The following MYO1E variants were observed in gnomAD, a reference collection of about 807,000 sequenced individuals.
The protein encoded by MYO1E is myosin IE, also known as unconventional myosin-Ie.
A neutral mutation model predicts 151.1 loss-of-function variants in MYO1E; 68 were observed. The ratio of observed to expected loss-of-function variants is 0.45; its 90% confidence interval spans 0.37 to 0.55. The LOEUF is 0.55. Among genes scored for constraint, MYO1E ranks in the 20% least tolerant of loss-of-function variants. The pLI, the probability that MYO1E is intolerant of heterozygous loss-of-function variation, is 0.00. For missense variants in MYO1E, 1,363 were observed against 1,389.3 expected, an observed-to-expected ratio of 0.98 and a Z score of 0.30; for synonymous variants, 601 against 501.7, an observed-to-expected ratio of 1.20 and a Z score of -2.64.
intron 1 of MYO1E, among the ~76,000 whole-genome samples, chr15:59,310,103 C>T (rs1158076413): frequency 1.3e-5 from 2 of 152,192 alleles, no homozygotes; most frequent in Non-Finnish European, 2.9e-5. Context: ...GTCCTGTGCA[C>T]CTTCCCTTCA....
chr15:59,267,159 G>A (rs184572128), intron 2 of MYO1E, among the ~76,000 whole-genome samples: 66 of 151,282 alleles, frequency 4.4e-4, no homozygotes, highest in Non-Finnish European at 7.4e-4. Flanking sequence ...CCGAGTAGCC[G>A]GGACTACAGG....
Position 59,339,453 on chromosome 15 carries a change from T to C in MYO1E, c.3+33045A>G, listed in dbSNP as rs900257607. On this transcript the variant is annotated intron_variant, in intron 1 of 27. Transcript: ENST00000288235. The stretch of plus-strand genomic sequence containing the variant: ...AACTGACTCCATACTGTAGAATTGG[T>C]ATTTCTCAACTTCACTACCCCGATA... 3.5e-4 allele frequency among the ~76,000 whole-genome samples: 54 copies of C among 152,200 alleles called. 3 individuals carry two copies. The highest frequency in any genetic ancestry group is 1.9e-4 in the Non-Finnish European group (13 of 68,040).
intron 1 of MYO1E, among the ~76,000 whole-genome samples, chr15:59,349,875 G>T (rs754815418): frequency 6.6e-6 from 1 of 152,306 alleles, no homozygotes; most frequent in South Asian, 2.1e-4. Context: ...GGAGAGAAAT[G>T]ATATCATTTC....
intron 1 of MYO1E, among the ~76,000 whole-genome samples, chr15:59,341,103 T>C (rs190360887): frequency 7.9e-4 from 120 of 152,024 alleles, no homozygotes; most frequent in African/African-American, 2.8e-3. Context: ...TTTTTGGGCA[T>C]ATATAAGTAG....
intron 14 of MYO1E, chr15:59,207,458 T>C (rs201738229): frequency 6.8e-6 from 11 of 1,614,040 alleles, no homozygotes; most frequent in South Asian, 3.3e-5. Flanking sequence ...ATTTCCAGTA[T>C]TGTCCAGTAC....
chr15:59,250,293 T>C lies in MYO1E; in HGVS notation c.332+5991A>G, dbSNP rs116535388. On this transcript the variant is annotated intron_variant, in intron 4 of 27. Coordinates refer to ENST00000288235, the MANE Select transcript of MYO1E (RefSeq NM_004998.4). ...GACCTCCAACTGGAAACTAAAGGCA[T>C]TTGCACAAGCCTTCGAGAGCAGCTG... is the stretch of plus-strand genomic sequence containing the variant. Among the ~76,000 whole-genome samples, 960 of 152,214 alleles carry C rather than the reference T, an allele frequency of 6.3e-3. 14 individuals are homozygous for C. The highest frequency in any genetic ancestry group is 0.022 in the African/African-American group (906 of 41,516).
At chr15:59,160,468 G>C (rs1224798324) in intron 24 of MYO1E, among the ~76,000 whole-genome samples, 2 of 151,214 alleles carry the variant, frequency 1.3e-5, no homozygotes, top group Non-Finnish European at 2.9e-5. Context: ...TGGCACCCCA[G>C]TAAAGATCAT....
chr15:59,178,414 C>T lies in MYO1E; in HGVS notation c.2028G>A (p.Val676=). Residue 676 remains valine, a synonymous_variant, in exon 19 of 28, where the codon GTG becomes GTA. Transcript: ENST00000288235. ...TCACAGACTCGGGGGCTTTGATGAA[C>T]ACTTTACTCCTCCCCAGCTGGAACT... ...SDQFQLGRSK[V]FIKAPESLFL... is the part of the protein sequence containing the mutation. 1 of 1,614,216 alleles carries T rather than the reference C, an allele frequency of 6.2e-7. No homozygotes were observed. Among genetic ancestry groups the T allele is most frequent in the Non-Finnish European group, 8.5e-7 (1 of 1,180,046 alleles).
chr15:59,260,573 C>G lies in MYO1E; in HGVS notation c.237+847G>C, dbSNP rs757373171. On this transcript the variant is annotated intron_variant, in intron 3 of 27. Coordinates refer to ENST00000288235, the MANE Select transcript of MYO1E (RefSeq NM_004998.4). ...TGGGGAGGCCTGGGGAAGTGATGAA[C>G]CACAGAATAAAATATATTAAGGAGA... Among the ~76,000 whole-genome samples, 38 of 152,072 alleles carry G rather than the reference C, an allele frequency of 2.5e-4. 1 individual carries two copies. The highest frequency in any genetic ancestry group is 1.0e-4 in the Non-Finnish European group (7 of 68,026).
In MYO1E at chr15:59,204,214, A is replaced by C. The variant is rs148914147; in HGVS notation, c.1616+1186T>G. On this transcript the variant is annotated intron_variant, in intron 15 of 27. Coordinates refer to ENST00000288235, the MANE Select transcript of MYO1E (RefSeq NM_004998.4). ...ATGTTTTGAATAAAAAGAAATGCAAAATCTCAGAAATGGTGGTGTGGCTGC... is the reference window on the plus strand; with the variant it reads ...ATGTTTTGAATAAAAAGAAATGCAACATCTCAGAAATGGTGGTGTGGCTGC... 3.8e-3 allele frequency among the ~76,000 whole-genome samples: 586 copies of C among 152,306 alleles called. 18 individuals carry two copies. The highest frequency in any genetic ancestry group is 5.8e-3 in the East Asian group (30 of 5,192).
intron 1 of MYO1E, among the ~76,000 whole-genome samples, chr15:59,326,248 G>A (rs1292947831): frequency 1.3e-5 from 2 of 152,082 alleles, no homozygotes; most frequent in East Asian, 1.9e-4. Flanking sequence ...GGACGGGCAT[G>A]GTGGCTCACG....
intron 2 of MYO1E, among the ~76,000 whole-genome samples, chr15:59,262,007 G>C (rs2080226959): frequency 6.6e-6 from 1 of 152,006 alleles, no homozygotes; most frequent in East Asian, 1.9e-4. Context: ...CTCGAGACTA[G>C]CCTGGCCGAC....
intron 1 of MYO1E, among the ~76,000 whole-genome samples, chr15:59,291,682 TAAAAAAAA>T (rs1182076268): frequency 1.3e-4 from 1 of 7,802 alleles, no homozygotes; most frequent in South Asian, 0.014. Context: ...CTAAAAATAC[TAAAAAAAA>T]AAAAAAAAAA....
Position 59,138,325 on chromosome 15 carries a change from G to C in MYO1E, c.3123C>G (p.Gly1041=). ...TGGGCTTGGGCTGGGGCTTGGGTCT[G>C]CCCCCTGCTGGGGGAGGCCGACTGG... The part of the protein sequence containing the change: ...QTTSRPPPAG[G]RPKPQPKPKP... The change falls in exon 27 of 28, where the codon GGC becomes GGG. Residue 1041 remains glycine, a synonymous_variant. Transcript: ENST00000288235. 1 of 1,614,214 alleles carries C rather than the reference G, an allele frequency of 6.2e-7. No homozygotes were observed. Among genetic ancestry groups the C allele is most frequent in the Non-Finnish European group, 8.5e-7 (1 of 1,180,032 alleles).
rs2306790 is a variant in MYO1E, at chr15:59,171,757, C to T, written c.2480+140G>A. The stretch of plus-strand genomic sequence containing the variant: ...AGACTAGGGAGTCTTCCCTTTGGGA[C>T]AAAGGGAAATTCCATTCTCTTGATC... On this transcript the variant is annotated intron_variant, in intron 22 of 27. Transcript: ENST00000288235. The T allele has an allele frequency of 8.8e-6, 10 of 1,141,024 alleles. No individual in the cohort carries two copies. The Admixed American group carries it at 9.6e-5, about 11-fold the overall frequency. The allele number at this position is 1,141,024 out of a possible 1,614,324, so 70.7% of individuals were successfully genotyped here. A position where few individuals can be genotyped will look rare whatever the true frequency, so the allele number is the denominator to read the frequency against.
At chr15:59,190,150 C>G (rs1596358147) in intron 17 of MYO1E, among the ~76,000 whole-genome samples, 2 of 152,298 alleles carry the variant, frequency 1.3e-5, no homozygotes, top group Non-Finnish European at 2.9e-5. Context: ...TGGGCCTGGG[C>G]TGCGTGCTGC....
chr15:59,372,031 G>A (rs2080948550), intron 1 of MYO1E, among the ~76,000 whole-genome samples: 1 of 150,130 alleles, frequency 6.7e-6, no homozygotes, highest in African/African-American at 2.4e-5. Context: ...CGGCGGCGGG[G>A]AGGAGAGGGA....
chr15:59,180,363 T>C (rs536842665), intron 18 of MYO1E, among the ~76,000 whole-genome samples: 63 of 152,256 alleles, frequency 4.1e-4, no homozygotes, highest in African/African-American at 1.5e-3. Flanking sequence ...AGAAAGTTCA[T>C]GGAGGGTAGA....
In MYO1E at chr15:59,223,077, C is replaced by T. The variant is rs762333964; in HGVS notation, c.892G>A (p.Ala298Thr). 6.2e-7 allele frequency: 1 copy of T among 1,614,024 alleles called. No individual in the cohort carries two copies. Among genetic ancestry groups the T allele is most frequent in the Non-Finnish European group, 8.5e-7 (1 of 1,180,040 alleles). The change falls in exon 9 of 28, where the codon GCT becomes ACT. Residue 298 changes from alanine (A) to threonine (T), a missense_variant. Coordinates refer to ENST00000288235, the MANE Select transcript of MYO1E (RefSeq NM_004998.4). Reference protein sequence around the residue: ...ISFKEVGNYAAVESEEFLAFP... With the variant: ...ISFKEVGNYATVESEEFLAFP... ...TACGCACACTCTTCACTCTCCACAG[C>T]CGCGTAGTTGCCAACTTCTTTGAAG...
Sources: gnomAD v4.1 joint callset for allele counts (sites outside exome capture counted in the v4.1 genomes callset) on GRCh38, gnomAD v4.1.1 for gene constraint, MANE v1.5 for transcripts, NCBI Gene and HGNC (gene_info 2026-07-23, HGNC 2026-07-21) for gene names.